Variants in CLIC5 observed in about 807,000 individuals in gnomAD.
The protein encoded by CLIC5 is chloride intracellular channel protein 5.
A neutral mutation model predicts 24.7 loss-of-function variants in CLIC5; 20 were observed. The ratio of observed to expected loss-of-function variants is 0.81; its 90% CI spans 0.57 to 1.18. The LOEUF is 1.18. Ranked by LOEUF, CLIC5 falls within the 50% of genes most tolerant of loss-of-function variation. The pLI, the probability that CLIC5 is intolerant of heterozygous loss-of-function variation, is 0.00. For missense variants in CLIC5, 341 were observed against 326.1 expected (o/e 1.05, Z -0.35); for synonymous variants, 159 against 135.6 (o/e 1.17, Z -1.20).
chr6:45,929,771 T>G (rs1236303413), intron 4 of CLIC5, among the ~76,000 whole-genome samples: 1 of 152,224 alleles, frequency 6.6e-6, no homozygotes, highest in Non-Finnish European at 1.5e-5. Context: ...AAAGAACTGC[T>G]TCCAACAGAG....
chr6:45,975,049 G>C (rs971071109), intron 1 of CLIC5, among the ~76,000 whole-genome samples: 2 of 152,202 alleles, frequency 1.3e-5, no homozygotes, highest in African/African-American at 4.8e-5. Flanking sequence ...AGTTGTCACA[G>C]TCATCTTGTA....
intron 1 of CLIC5, among the ~76,000 whole-genome samples, chr6:46,069,691 A>G (rs1174651933): frequency 6.6e-6 from 1 of 152,196 alleles, no homozygotes; most frequent in Non-Finnish European, 1.5e-5. Flanking sequence ...CAAAAAATGG[A>G]AGAGGAAGGA....
intron 1 of CLIC5, among the ~76,000 whole-genome samples, chr6:46,030,996 A>G (rs1467489504): frequency 6.6e-6 from 1 of 152,212 alleles, no homozygotes; most frequent in Non-Finnish European, 1.5e-5. Flanking sequence ...AAAAGAAGAA[A>G]TTGTGTTTCT....
At position 46,075,587 on chromosome 6, in the gene CLIC5, G is replaced by C. The variant is rs1210920338; in HGVS notation, c.540+4116C>G. ...GCAACAGAGTGAGACCCTGTCTCAA[G>C]ACAAAAACGAAAACAAAAACCTGCT... On this transcript the variant is annotated intron_variant, in intron 1 of 5. Coordinates refer to the CLIC5 transcript ENST00000185206. 5.3e-5 allele frequency among the ~76,000 whole-genome samples: 8 copies of C among 152,084 alleles called. No individual in the cohort carries two copies. In the East Asian group the frequency reaches 1.6e-3, roughly 30 times the overall value.
At chr6:45,951,426 C>T (rs1764464082) in intron 2 of CLIC5, among the ~76,000 whole-genome samples, 1 of 152,138 alleles carries the variant, frequency 6.6e-6, no homozygotes, top group African/African-American at 2.4e-5. Context: ...CTGGCGTGCA[C>T]TGGGGAGCAC....
chr6:45,996,756 C>T (rs1015647781), intron 1 of CLIC5, among the ~76,000 whole-genome samples: 7 of 151,942 alleles, frequency 4.6e-5, no homozygotes, highest in African/African-American at 1.7e-4. Flanking sequence ...TGAAAAAATG[C>T]TCATCATCAC....
chr6:45,917,154 G>T, intron 4 of CLIC5, among the ~76,000 whole-genome samples: 1 of 152,192 alleles, frequency 6.6e-6, no homozygotes, highest in Middle Eastern at 3.4e-3. Flanking sequence ...CACAAATGTC[G>T]TTGATCCTGG....
At position 45,999,770 on chromosome 6, in the gene CLIC5, G is replaced by A. The variant is rs1333390115; in HGVS notation, c.63+15710C>T. The stretch of plus-strand genomic sequence containing the variant: ...TTTTTTTTTTTTGAGACGGAGTCTC[G>A]CTCTGTCGCCCAGGCAGGACTGCGG... On this transcript the variant is annotated intron_variant, in intron 1 of 5. Coordinates refer to ENST00000339561, the MANE Select transcript of CLIC5 (RefSeq NM_016929.5). Among the ~76,000 whole-genome samples, 2 of 19,210 alleles carry A rather than the reference G, an allele frequency of 1.0e-4. 1 individual carries two copies. The highest frequency in any genetic ancestry group is 1.6e-4 in the Non-Finnish European group (2 of 12,452). The allele number at this position is 19,210 out of a possible 152,430, so 12.6% of individuals were successfully genotyped here. A position where few individuals can be genotyped will look rare whatever the true frequency, so the allele number is the denominator to read the frequency against.
chr6:46,089,038 T>G, the CLIC5 span, among the ~76,000 whole-genome samples: 2 of 152,220 alleles, frequency 1.3e-5, no homozygotes, highest in African/African-American at 4.8e-5. Context: ...ATTTACCTAT[T>G]AATAGATACT....
chr6:45,910,029 C>T (rs1762772797), intron 5 of CLIC5, among the ~76,000 whole-genome samples: 1 of 152,188 alleles, frequency 6.6e-6, no homozygotes, highest in Non-Finnish European at 1.5e-5. Context: ...TGTTCACAGA[C>T]ATCTGGGAAC....
At chr6:46,084,849 G>C (rs1051839372), upstream of CLIC5, among the ~76,000 whole-genome samples, 2 of 152,180 alleles carry the variant, frequency 1.3e-5, no homozygotes, top group Admixed American at 6.5e-5. Flanking sequence ...AGTTCTCCTG[G>C]ATAATATCCT....
In CLIC5 at chr6:45,902,813, A is replaced by T; in HGVS notation, c.*275T>A. On this transcript the variant is annotated 3_prime_UTR_variant, in exon 6 of 6. Coordinates refer to ENST00000339561, the MANE Select transcript of CLIC5 (RefSeq NM_016929.5). ...CAATCCCATATGTGGGCTCTCCAAC[A>T]CTGACTGACCCCAAACATGCTGAGC... is the stretch of plus-strand genomic sequence containing the variant. 2 of 473,246 alleles carry T rather than the reference A, an allele frequency of 4.2e-6. No individual in the cohort carries two copies. The highest frequency in any genetic ancestry group is 7.5e-6 in the Non-Finnish European group (2 of 264,950). The allele number at this position is 473,246 out of a possible 1,614,324, so 29.3% of individuals were successfully genotyped here. A position where few individuals can be genotyped will look rare whatever the true frequency, so the allele number is the denominator to read the frequency against.
intron 1 of CLIC5, among the ~76,000 whole-genome samples, chr6:46,053,071 G>A (rs1239963781): frequency 6.6e-6 from 1 of 152,126 alleles, no homozygotes; most frequent in African/African-American, 2.4e-5. Context: ...AAATCATTGA[G>A]CAAAAAAGCA....
At chr6:46,009,034 A>G (rs1040281100) in intron 1 of CLIC5, among the ~76,000 whole-genome samples, 1 of 151,950 alleles carries the variant, frequency 6.6e-6, no homozygotes, top group Non-Finnish European at 1.5e-5. Context: ...ACCCTCCTAA[A>G]TCTGAAACTC....
At chr6:46,024,774 A>G (rs1371030864) in intron 1 of CLIC5, among the ~76,000 whole-genome samples, 1 of 152,216 alleles carries the variant, frequency 6.6e-6, no homozygotes, top group Non-Finnish European at 1.5e-5. Flanking sequence ...TGATAGAAAA[A>G]AGACCTCATG....
Position 45,955,185 on chromosome 6 carries a change from G to C in CLIC5, c.123C>G (p.Ile41Met). Reference sequence around the variant, plus strand: ...TGAACACGACTCCTTTCAGCCAGAGGATCATGAAGAGGCGCTGAGAGAAAG... The same window carrying C: ...TGAACACGACTCCTTTCAGCCAGAGCATCATGAAGAGGCGCTGAGAGAAAG... ...NCPFSQRLFM[I>M]LWLKGVVFNV... Residue 41 changes from isoleucine (I) to methionine (M), a missense_variant, in exon 2 of 6, where the codon ATC (isoleucine) becomes ATG (methionine). Physicochemically the swap from Ile to Met is conservative, Grantham distance 10 (BLOSUM62 1). Transcript: ENST00000339561. The C allele has an allele frequency of 6.2e-7, 1 of 1,614,022 alleles. No homozygotes were observed. The highest frequency in any genetic ancestry group is 8.5e-7 in the Non-Finnish European group (1 of 1,179,922).
intron 6 of CLIC5, among the ~76,000 whole-genome samples, chr6:45,882,140 G>A (rs1279854433): frequency 1.3e-5 from 2 of 152,160 alleles, no homozygotes; most frequent in African/African-American, 2.4e-5. Flanking sequence ...AGTTCCTGGA[G>A]AAAATGCTTT....
the CLIC5 span, among the ~76,000 whole-genome samples, chr6:46,127,017 A>G: frequency 6.6e-6 from 1 of 152,234 alleles, no homozygotes; most frequent in Non-Finnish European, 1.5e-5. Context: ...TGGGAGAAAA[A>G]GAAACTGCCT....
At position 46,015,549 on chromosome 6, in the gene CLIC5, G is replaced by GGC; in HGVS notation, c.-9_-8dup. ...CTGTCGCCGAGTCTGTCATGCCGTT[G>GGC]GCGCCCGGGGCTACCGTCCCGGGCC... is the stretch of plus-strand genomic sequence containing the variant. On this transcript the variant is annotated 5_prime_UTR_variant, in exon 1 of 6. Coordinates refer to ENST00000339561, the MANE Select transcript of CLIC5 (RefSeq NM_016929.5). The GGC allele has an allele frequency of 1.9e-6, 3 of 1,568,516 alleles. No homozygotes were observed. Among genetic ancestry groups the GGC allele is most frequent in the Non-Finnish European group, 2.6e-6 (3 of 1,158,542 alleles).
Sources: allele counts gnomAD v4.1 joint callset (sites outside exome capture counted in the v4.1 genomes callset), GRCh38; gene constraint gnomAD v4.1.1; transcripts MANE v1.5; gene names NCBI Gene and HGNC (gene_info 2026-07-23, HGNC 2026-07-21).